Variants in CD200R1L observed in about 807,000 individuals in gnomAD.
CD200R1L encodes the protein cell surface glycoprotein CD200 receptor 2.
A neutral mutation model predicts 24.8 loss-of-function variants in CD200R1L; 14 were observed. The observed-to-expected ratio is 0.56, with a 90% CI of 0.37 to 0.88. The LOEUF is 0.88. Ranked by LOEUF, CD200R1L falls within the 40% of genes least tolerant of loss-of-function variation. The pLI, the probability that CD200R1L is intolerant of heterozygous loss-of-function variation, is 0.00. For missense variants in CD200R1L, 299 were observed against 297.8 expected (o/e 1.00, Z -0.03); for synonymous variants, 111 against 109.2 (o/e 1.02, Z -0.11).
chr3:112,824,715 A>G (rs1383791134), intron 6 of CD200R1L, among the ~76,000 whole-genome samples: 1 of 152,214 alleles, frequency 6.6e-6, no homozygotes, highest in African/African-American at 2.4e-5. Flanking sequence ...AGCATTGTGA[A>G]TGAAAACAGT....
chr3:112,845,136 C>G (rs1282158597), intron 2 of CD200R1L, among the ~76,000 whole-genome samples: 5 of 151,738 alleles, frequency 3.3e-5, no homozygotes, highest in South Asian at 2.1e-4. Flanking sequence ...CAATAGAGTA[C>G]TAGCTGGATT....
rs142556866 is a variant in CD200R1L at position 112,843,573 on chromosome 3, C to T, written c.-87+2106G>A. On this transcript the variant is annotated intron_variant, in intron 2 of 7. Coordinates refer to ENST00000488794, the MANE Select transcript of CD200R1L (RefSeq NM_001199215.3). ...GAGATCCTTAAGGGAGTTCTAAATG[C>T]GGAAATTTAAGAACAATGTCTGTTA... Among the ~76,000 whole-genome samples the T allele has an allele frequency of 1.7e-4, 26 of 152,268 alleles. No individual in the cohort carries two copies. In the East Asian group the frequency reaches 3.7e-3, roughly 21 times the overall value.
rs146131812 is a variant in CD200R1L, at chr3:112,827,144, C to T, written c.465G>A (p.Glu155=). The T allele has an allele frequency of 1.5e-5, 24 of 1,613,590 alleles. No homozygotes were observed. The highest frequency in any genetic ancestry group is 2.0e-5 in the Non-Finnish European group (24 of 1,180,022). Reference sequence around the variant, plus strand: ...CTTGCTTAGTGGCAAGAATAGATCCCTCTGGGATCCAGGAGATCTGGGCAG... The same window carrying T: ...CTTGCTTAGTGGCAAGAATAGATCCTTCTGGGATCCAGGAGATCTGGGCAG... ...KPAAQISWIP[E]GSILATKQEY... The change falls in exon 6 of 8, where the codon GAG becomes GAA. Residue 155 remains glutamate (E), a synonymous_variant. Coordinates refer to ENST00000488794, the MANE Select transcript of CD200R1L (RefSeq NM_001199215.3).
chr3:112,841,740 G>T (rs1441551850), intron 2 of CD200R1L, among the ~76,000 whole-genome samples: 7 of 152,180 alleles, frequency 4.6e-5, no homozygotes, highest in Non-Finnish European at 1.0e-4. Context: ...CTCCACCTGG[G>T]TGTTTTGCAG....
intron 2 of CD200R1L, among the ~76,000 whole-genome samples, chr3:112,844,851 G>A (rs1385873856): frequency 6.6e-6 from 1 of 152,164 alleles, no homozygotes; most frequent in Non-Finnish European, 1.5e-5. Flanking sequence ...TTGAACCCAG[G>A]AGGCAGAGGT....
At chr3:112,836,849 G>GT (rs1457937791) in intron 3 of CD200R1L, among the ~76,000 whole-genome samples, 2 of 152,126 alleles carry the variant, frequency 1.3e-5, no homozygotes, top group Non-Finnish European at 2.9e-5. Flanking sequence ...AGCTTAGAAA[G>GT]TTTTTTGTAT....
intron 3 of CD200R1L, among the ~76,000 whole-genome samples, chr3:112,834,054 C>T (rs143788245): frequency 6.6e-6 from 1 of 152,158 alleles, no homozygotes; most frequent in Non-Finnish European, 1.5e-5. Flanking sequence ...CAGAAATTGC[C>T]AGCTTCATGG....
chr3:112,829,295 G>T, intron 4 of CD200R1L, 24 bp downstream of exon 4: 1 of 1,590,680 alleles, frequency 6.3e-7, no homozygotes, highest in East Asian at 2.2e-5. Flanking sequence ...CTCAGTGCTG[G>T]CCACTACTAA....
chr3:112,839,838 C>G (rs953419473), intron 2 of CD200R1L, among the ~76,000 whole-genome samples: 20 of 152,182 alleles, frequency 1.3e-4, no homozygotes, highest in African/African-American at 4.8e-4. Flanking sequence ...CCTGAAGAAA[C>G]TGTAATGATT....
rs1349695034 is a variant in CD200R1L at position 112,827,390 on chromosome 3, C to T, written c.344G>A (p.Arg115His). 15 of 1,613,704 alleles carry T rather than the reference C, an allele frequency of 9.3e-6. No individual in the cohort carries two copies. Among genetic ancestry groups the T allele is most frequent in the Middle Eastern group, 3.3e-4 (2 of 6,080 alleles). The change falls in exon 5 of 8, where the codon CGT (arginine) becomes CAT (histidine). Residue 115 changes from arginine (R) to histidine (H), a missense_variant. By Grantham distance (29) the Arg-to-His change is conservative (BLOSUM62 0). Coordinates refer to ENST00000488794, the MANE Select transcript of CD200R1L (RefSeq NM_001199215.3). ...IVVTPDGNFHRGYHLQVLVTP... is the reference protein window; with the variant it reads ...IVVTPDGNFHHGYHLQVLVTP... ...ACCTAACACTTGGAGGTGATATCCA[C>T]GATGGAAATTCCCATCAGGTGTTAC... is the stretch of plus-strand genomic sequence containing the variant.
At chr3:112,836,659 T>C (rs918871990) in intron 3 of CD200R1L, among the ~76,000 whole-genome samples, 2 of 152,262 alleles carry the variant, frequency 1.3e-5, no homozygotes, top group African/African-American at 4.8e-5. Context: ...CTGAACAGTT[T>C]GTGAGATTCT....
At chr3:112,825,630 A>C (rs1938639589) in intron 6 of CD200R1L, among the ~76,000 whole-genome samples, 6 of 152,034 alleles carry the variant, frequency 3.9e-5, no homozygotes, top group Admixed American at 3.9e-4. Flanking sequence ...CTTTTAAAAA[A>C]ATTCTTGGAT....
chr3:112,842,749 C>T (rs1176779911), intron 2 of CD200R1L, among the ~76,000 whole-genome samples: 1 of 152,096 alleles, frequency 6.6e-6, no homozygotes, highest in East Asian at 1.9e-4. Context: ...CTGTCTTATG[C>T]GGGAGATGCG....
intron 3 of CD200R1L, among the ~76,000 whole-genome samples, chr3:112,830,139 T>C (rs1275299747): frequency 6.6e-6 from 1 of 152,176 alleles, no homozygotes; most frequent in African/African-American, 2.4e-5. Flanking sequence ...GCTTCAATCT[T>C]AACATAAAGA....
rs778484625 is a variant in CD200R1L at position 112,845,695 on chromosome 3, G to T, written c.-103C>A. The stretch of plus-strand genomic sequence containing the variant: ...CAGACTTACCAGACACCATGATAAT[G>T]ATGGAAATCAGTAATCTTGGAGCTG... On this transcript the variant is annotated 5_prime_UTR_variant, in exon 2 of 8. Transcript: ENST00000488794. The T allele has an allele frequency of 1.9e-6, 3 of 1,613,334 alleles. No individual in the cohort carries two copies. Among genetic ancestry groups the T allele is most frequent in the Non-Finnish European group, 2.5e-6 (3 of 1,179,524 alleles).
At chr3:112,824,616 T>C (rs1188752023) in intron 6 of CD200R1L, among the ~76,000 whole-genome samples, 1 of 152,106 alleles carries the variant, frequency 6.6e-6, no homozygotes, top group Non-Finnish European at 1.5e-5. Flanking sequence ...ATAAATCTAC[T>C]TAAGAAAACG....
chr3:112,837,653 A>G (rs900449351), intron 3 of CD200R1L, among the ~76,000 whole-genome samples: 14 of 152,258 alleles, frequency 9.2e-5, no homozygotes, highest in African/African-American at 2.9e-4. Flanking sequence ...ACCTTGTAAT[A>G]TAATTCTGTA....
rs1272774428 is a variant in CD200R1L, at chr3:112,817,902, A to G, written c.740+1870T>C. On this transcript the variant is annotated intron_variant, in intron 7 of 7. Coordinates refer to ENST00000488794, the MANE Select transcript of CD200R1L (RefSeq NM_001199215.3). ...TCCACATGGCTGGGGAGGCCCCAGA[A>G]TCATGGGGGTAGGTGAAAGTCACTT... 2.6e-5 allele frequency among the ~76,000 whole-genome samples: 4 copies of G among 152,238 alleles called. No homozygotes were observed. The East Asian group carries it at 7.7e-4, about 29-fold the overall frequency.
chr3:112,817,034 T>A (rs1425831471), intron 7 of CD200R1L, among the ~76,000 whole-genome samples: 1 of 152,162 alleles, frequency 6.6e-6, no homozygotes, highest in South Asian at 2.1e-4. Context: ...TGGATATGAC[T>A]TTATTAGCAG....
Sources: allele counts gnomAD v4.1 joint callset (sites outside exome capture counted in the v4.1 genomes callset), GRCh38; gene constraint gnomAD v4.1.1; transcripts MANE v1.5; gene names NCBI Gene and HGNC (gene_info 2026-07-23, HGNC 2026-07-21).